Variants in FAM184B observed in about 807,000 individuals in gnomAD.
The protein encoded by FAM184B is protein FAM184B.
A neutral mutation model predicts 135.9 loss-of-function variants in FAM184B; 111 were observed. The observed-to-expected ratio is 0.82, with a 90% CI of 0.70 to 0.96. FAM184B has a LOEUF of 0.96. Ranked by LOEUF, FAM184B falls within the 40% of genes least tolerant of loss-of-function variation. FAM184B has a pLI of 0.00. For missense variants in FAM184B, 1,375 were observed against 1,323.9 expected, an observed-to-expected ratio of 1.04 and a Z score of -0.60; for synonymous variants, 552 against 524.8, an observed-to-expected ratio of 1.05 and a Z score of -0.71.
At chr4:17,692,836 C>A (rs887013935) in intron 6 of FAM184B, among the ~76,000 whole-genome samples, 3 of 152,034 alleles carry the variant, frequency 2.0e-5, no homozygotes, top group African/African-American at 4.8e-5. Context: ...CTTTTAGGGG[C>A]CCACGAAAAT....
intron 1 of FAM184B, among the ~76,000 whole-genome samples, chr4:17,729,812 G>T (rs950405821): frequency 6.6e-6 from 1 of 152,124 alleles, no homozygotes; most frequent in African/African-American, 2.4e-5. Flanking sequence ...ACAAAGATGG[G>T]GAAAAAACAG....
At chr4:17,766,471 T>C (rs904000695) in intron 1 of FAM184B, among the ~76,000 whole-genome samples, 1 of 152,166 alleles carries the variant, frequency 6.6e-6, no homozygotes, top group South Asian at 2.1e-4. Context: ...TGCTGATTGG[T>C]GCATTTACAA....
intron 5 of FAM184B, among the ~76,000 whole-genome samples, chr4:17,702,229 T>C (rs559580431): frequency 1.3e-5 from 2 of 152,334 alleles, no homozygotes; most frequent in Admixed American, 6.5e-5. Context: ...TGGTTTGTGA[T>C]TCTTGTCACC....
intron 1 of FAM184B, among the ~76,000 whole-genome samples, chr4:17,754,225 A>G (rs1279802807): frequency 1.3e-5 from 2 of 151,930 alleles, no homozygotes; most frequent in African/African-American, 4.8e-5. Flanking sequence ...ATGCATATAC[A>G]CCCGTGCACA....
At chr4:17,636,437 G>A (rs1715138701) in intron 15 of FAM184B, 91 bp downstream of exon 15, 2 of 970,832 alleles carry the variant, frequency 2.1e-6, no homozygotes, top group Non-Finnish European at 3.2e-6. Context: ...AGGGCACCTA[G>A]AGAAATGCTG....
Position 17,647,784 on chromosome 4 carries a change from G to T in FAM184B, c.2199C>A (p.Leu733=). The change falls in exon 12 of 18, where the codon CTC becomes CTA. Residue 733 remains leucine, a synonymous_variant. Coordinates refer to ENST00000265018, the MANE Select transcript of FAM184B (RefSeq NM_015688.2). ...CTTGCTGCTCCGACAGCTCCTGTCT[G>T]AGCGACTCTGGAAAAGGGAGAGCAG... ...QAQQALLLES[L]RQELSEQQAA... 1.3e-6 allele frequency: 2 copies of T among 1,550,028 alleles called. No individual in the cohort carries two copies. The highest frequency in any genetic ancestry group is 4.9e-5 in the East Asian group (2 of 40,898).
chr4:17,720,131 A>G (rs375465345), intron 1 of FAM184B, among the ~76,000 whole-genome samples: 1 of 152,120 alleles, frequency 6.6e-6, no homozygotes, highest in South Asian at 2.1e-4. Flanking sequence ...ACTCAATTCC[A>G]TTATTTAATG....
At chr4:17,775,228 C>T (rs1457373568) in intron 1 of FAM184B, among the ~76,000 whole-genome samples, 1 of 151,852 alleles carries the variant, frequency 6.6e-6, no homozygotes, top group Non-Finnish European at 1.5e-5. Flanking sequence ...CTCTGTTGCC[C>T]AGGCTGGAGT....
chr4:17,756,672 C>A (rs1165133987), intron 1 of FAM184B, among the ~76,000 whole-genome samples: 1 of 152,130 alleles, frequency 6.6e-6, no homozygotes, highest in Non-Finnish European at 1.5e-5. Flanking sequence ...CACCTGTCAT[C>A]CCAGCACTTT....
chr4:17,771,970 C>A (rs1258000122), intron 1 of FAM184B, among the ~76,000 whole-genome samples: 1 of 152,178 alleles, frequency 6.6e-6, no homozygotes, highest in Admixed American at 6.5e-5. Context: ...AAGATGAGGA[C>A]CGTTGGCCCC....
At chr4:17,777,679 C>CT (rs1206395229) in intron 1 of FAM184B, among the ~76,000 whole-genome samples, 1 of 152,070 alleles carries the variant, frequency 6.6e-6, no homozygotes, top group Non-Finnish European at 1.5e-5. Context: ...AAGACAAAAT[C>CT]TTTTTTTAAA....
chr4:17,762,965 C>CACAG (rs1718579150), intron 1 of FAM184B, among the ~76,000 whole-genome samples: 1 of 152,168 alleles, frequency 6.6e-6, no homozygotes, highest in Non-Finnish European at 1.5e-5. Context: ...TCCTCATTGC[C>CACAG]CTGGCCTACA....
chr4:17,647,575 T>C, intron 12 of FAM184B, 62 bp downstream of exon 12: 1 of 1,505,912 alleles, frequency 6.6e-7, no homozygotes, highest in Non-Finnish European at 9.0e-7. Context: ...ATGGGGCTTC[T>C]TACTGCGGCC....
intron 1 of FAM184B, among the ~76,000 whole-genome samples, chr4:17,724,160 T>C (rs1717592885): frequency 6.6e-6 from 1 of 151,744 alleles, no homozygotes; most frequent in Non-Finnish European, 1.5e-5. Flanking sequence ...TACATACACA[T>C]GCATATGTAT....
chr4:17,647,140 T>G (rs1399016292), intron 12 of FAM184B, among the ~76,000 whole-genome samples: 2 of 152,000 alleles, frequency 1.3e-5, no homozygotes, highest in Admixed American at 6.6e-5. Context: ...TTTTTTTTCT[T>G]TTCGAAGACA....
chr4:17,763,583 T>C (rs974394961), intron 1 of FAM184B, among the ~76,000 whole-genome samples: 4 of 138,970 alleles, frequency 2.9e-5, no homozygotes, highest in Non-Finnish European at 6.4e-5. Flanking sequence ...TGAAGAGGCT[T>C]TGCAAGATGA....
At chr4:17,734,795 T>C (rs1451899496) in intron 1 of FAM184B, among the ~76,000 whole-genome samples, 2 of 150,322 alleles carry the variant, frequency 1.3e-5, no homozygotes, top group Non-Finnish European at 3.0e-5. Flanking sequence ...GATCTAGAAC[T>C]AGAAATACCA....
chr4:17,640,393 AG>A (rs1462287991), intron 13 of FAM184B, among the ~76,000 whole-genome samples: 1 of 151,656 alleles, frequency 6.6e-6, no homozygotes, highest in Non-Finnish European at 1.5e-5. Context: ...CTGAGGCAGA[AG>A]AATCACTTGA....
chr4:17,701,303 A>G (rs1716981261), intron 5 of FAM184B, among the ~76,000 whole-genome samples: 1 of 152,248 alleles, frequency 6.6e-6, no homozygotes, highest in South Asian at 2.1e-4. Flanking sequence ...TCTTTTATAC[A>G]CATAGACTGG....
Sources: allele counts gnomAD v4.1 joint callset (sites outside exome capture counted in the v4.1 genomes callset), GRCh38; gene constraint gnomAD v4.1.1; transcripts MANE v1.5; gene names NCBI Gene and HGNC (gene_info 2026-07-23, HGNC 2026-07-21).